Variants in PRDM16 observed in about 807,000 individuals in gnomAD.
PRDM16 encodes the protein PR/SET domain 16.
In PRDM16, 23 loss-of-function variants were observed where a neutral mutation model predicts 110.6. That is an observed-to-expected ratio of 0.21 (90% CI 0.15 to 0.29). The LOEUF is 0.29. PRDM16 is among the 10% of genes least tolerant of loss of function. The probability of loss-of-function intolerance (pLI) is 1.00; values close to 1 mark genes in which losing one functional copy is unlikely to be tolerated. For missense variants in PRDM16, 1,615 were observed against 1,794.3 expected, an observed-to-expected ratio of 0.90 and a Z score of 1.81; for synonymous variants, 799 against 781.8, an observed-to-expected ratio of 1.02 and a Z score of -0.37.
At chr1:3,360,735 G>A (rs945735032) in intron 3 of PRDM16, among the ~76,000 whole-genome samples, 18 of 152,212 alleles carry the variant, frequency 1.2e-4, no homozygotes, top group African/African-American at 3.4e-4. Flanking sequence ...CACGCCCATC[G>A]GGACAGGAGT....
chr1:3,278,612 CGGCGGGGCCT>C (rs1048994843), intron 3 of PRDM16, among the ~76,000 whole-genome samples: 5 of 152,200 alleles, frequency 3.3e-5, no homozygotes, highest in African/African-American at 1.2e-4. Flanking sequence ...CCCTGCTGCC[CGGCGGGGCCT>C]GCAGTCAGCC....
At chr1:3,169,450 G>A (rs1362521371) in intron 1 of PRDM16, among the ~76,000 whole-genome samples, 1 of 152,014 alleles carries the variant, frequency 6.6e-6, no homozygotes. Flanking sequence ...CAGGCCGAGG[G>A]GCTTGTTGGC....
At chr1:3,200,336 A>AT (rs113899911) in intron 2 of PRDM16, among the ~76,000 whole-genome samples, 18,670 of 150,728 alleles carry the variant, frequency 0.12, 1,703 homozygotes, top group East Asian at 0.46. Flanking sequence ...CTTAAGGTGG[A>AT]TTTTTTTTTT....
At chr1:3,309,408 C>G (rs189706114) in intron 3 of PRDM16, 1 of 152,276 alleles carries the variant, frequency 6.6e-6, no homozygotes, top group African/African-American at 2.4e-5. Context: ...CTCCTGCTCC[C>G]GGTCAGGCCA....
At chr1:3,231,587 C>A (rs1377600729) in intron 2 of PRDM16, among the ~76,000 whole-genome samples, 1 of 152,206 alleles carries the variant, frequency 6.6e-6, no homozygotes, top group East Asian at 1.9e-4. Flanking sequence ...TGGTTTCTGC[C>A]GTCCTTCCCA....
rs76617285 is a variant in PRDM16 at position 3,351,095 on chromosome 1, G to A, written c.439-34057G>A. Among the ~76,000 whole-genome samples, 1,005 of 152,284 alleles carry A rather than the reference G, an allele frequency of 6.6e-3. 20 individuals carry two copies. The highest frequency in any genetic ancestry group is 0.023 in the African/African-American group (945 of 41,560). On this transcript the variant is annotated intron_variant, in intron 3 of 16. Coordinates refer to ENST00000270722, the MANE Select transcript of PRDM16 (RefSeq NM_022114.4). ...GTGTCCTGGGAATGGCCGCTGGCTCGCTGGGCCAGACGTTTTGGGGGCATG... is the reference window on the plus strand; with the variant it reads ...GTGTCCTGGGAATGGCCGCTGGCTCACTGGGCCAGACGTTTTGGGGGCATG...
rs551995036 is a variant in PRDM16, at chr1:3,246,777, C to T, written c.438+2640C>T. Among the ~76,000 whole-genome samples the T allele has an allele frequency of 1.8e-4, 28 of 152,208 alleles. No individual in the cohort carries two copies. The South Asian group carries it at 4.4e-3, about 24-fold the overall frequency. On this transcript the variant is annotated intron_variant, in intron 3 of 16. Coordinates refer to ENST00000270722, the MANE Select transcript of PRDM16 (RefSeq NM_022114.4). The surrounding 1 kb of genome is among the most constrained non-coding windows in gnomAD (Gnocchi z 5.2). ...CTAACCCCAGGGCTCAGACTGGACC[C>T]GTTCAGTTACATTTCTAGGCACTCT...
At chr1:3,180,840 G>GCTTACACACGCAGTCTTACGCACGGC in intron 1 of PRDM16, among the ~76,000 whole-genome samples, 1 of 151,782 alleles carries the variant, frequency 6.6e-6, no homozygotes, top group South Asian at 2.1e-4. Context: ...AGGGCCCTCT[G>GCTTACACACGCAGTCTTACGCACGGC]CTTACACACG....
chr1:3,344,026 T>G (rs918869957), intron 3 of PRDM16, among the ~76,000 whole-genome samples: 2 of 152,194 alleles, frequency 1.3e-5, no homozygotes, highest in Admixed American at 6.5e-5. Context: ...TTCTGTCATC[T>G]CCAACTTGCT....
At position 3,174,287 on chromosome 1, in the gene PRDM16, C is replaced by T. The variant is rs532928976; in HGVS notation, c.38-11838C>T. Among the ~76,000 whole-genome samples the T allele has an allele frequency of 2.3e-3, 346 of 152,282 alleles. 2 individuals are homozygous for T. The highest frequency in any genetic ancestry group is 7.8e-3 in the African/African-American group (326 of 41,558). On this transcript the variant is annotated intron_variant, in intron 1 of 16. Coordinates refer to ENST00000270722, the MANE Select transcript of PRDM16 (RefSeq NM_022114.4). ...TCAGTCCCATTGAATTAGGGCCCTC[C>T]CTAGTGACCTCACCTGAACTTGATT...
intron 2 of PRDM16, among the ~76,000 whole-genome samples, chr1:3,199,559 G>A (rs1352666165): frequency 6.6e-6 from 1 of 152,172 alleles, no homozygotes; most frequent in African/African-American, 2.4e-5. Context: ...GTCAGCCAAA[G>A]TCCCATTTCT....
At chr1:3,070,014 C>A (rs1641708977) in intron 1 of PRDM16, among the ~76,000 whole-genome samples, 1 of 151,928 alleles carries the variant, frequency 6.6e-6, no homozygotes, top group East Asian at 2.0e-4. Flanking sequence ...TGGTGGAGGG[C>A]GCTCCTCTGG....
chr1:3,225,415 C>A (rs370882149), intron 2 of PRDM16, among the ~76,000 whole-genome samples: 6 of 152,226 alleles, frequency 3.9e-5, no homozygotes, highest in African/African-American at 1.4e-4. Context: ...TGCCTGTGTG[C>A]GCTGGTCCCC....
chr1:3,262,920 G>A (rs1640195318), intron 3 of PRDM16, among the ~76,000 whole-genome samples: 1 of 152,218 alleles, frequency 6.6e-6, no homozygotes, highest in African/African-American at 2.4e-5. Flanking sequence ...GGTGCTGGGA[G>A]GTGCAGGTGA....
At chr1:3,144,625 G>T (rs1643611710) in intron 1 of PRDM16, among the ~76,000 whole-genome samples, 2 of 152,178 alleles carry the variant, frequency 1.3e-5, no homozygotes, top group South Asian at 4.1e-4. Context: ...CCTGCGAGAT[G>T]GTGCTCTGTG....
intron 3 of PRDM16, among the ~76,000 whole-genome samples, chr1:3,369,056 G>T (rs375033534): frequency 2.6e-5 from 4 of 152,322 alleles, no homozygotes; most frequent in East Asian, 3.9e-4. Context: ...TTAAATAGAT[G>T]TCTGAACGTG....
At chr1:3,178,254 C>G (rs1644111746) in intron 1 of PRDM16, among the ~76,000 whole-genome samples, 1 of 150,576 alleles carries the variant, frequency 6.6e-6, no homozygotes, top group Non-Finnish European at 1.5e-5. Flanking sequence ...AGACTTGAAG[C>G]TTTTGGAGGC....
chr1:3,112,696 AC>A (rs530118200), intron 1 of PRDM16, among the ~76,000 whole-genome samples: 1 of 152,180 alleles, frequency 6.6e-6, no homozygotes, highest in Non-Finnish European at 1.5e-5. Context: ...ACTTGCGTGG[AC>A]CACCCCCTGC....
At chr1:3,394,499 G>T in intron 4 of PRDM16, 1 of 432,712 alleles carries the variant, frequency 2.3e-6, no homozygotes. Context: ...GAGGTGGTGG[G>T]TGGGGTGGGT....
Sources: allele counts gnomAD v4.1 joint callset (sites outside exome capture counted in the v4.1 genomes callset), GRCh38; gene constraint gnomAD v4.1.1; non-coding constraint Gnocchi (gnomAD v3.1); transcripts MANE v1.5; gene names NCBI Gene and HGNC (gene_info 2026-07-23, HGNC 2026-07-21).